CPAMD8: variants seen among roughly 807,000 people sequenced by gnomAD.
CPAMD8 encodes the protein C3 and PZP-like alpha-2-macroglobulin domain-containing protein 8.
CPAMD8 carries 146 observed loss-of-function variants against 224.7 expected under a neutral mutation model. The ratio of observed to expected loss-of-function variants is 0.65; its 90% CI spans 0.57 to 0.75. The LOEUF (loss-of-function observed/expected upper bound fraction) is 0.75, where lower values mean the gene tolerates loss of function less well. Ranked by LOEUF, CPAMD8 falls within the 30% of genes least tolerant of loss-of-function variation. The pLI is 0.00. For missense variants in CPAMD8, 2,301 were observed against 2,537.5 expected (o/e 0.91, Z 2.00); for synonymous variants, 966 against 1,044.6 (o/e 0.92, Z 1.45).
At chr19:17,014,114 C>A (rs1181336949) in intron 3 of CPAMD8, among the ~76,000 whole-genome samples, 1 of 151,600 alleles carries the variant, frequency 6.6e-6, no homozygotes, top group African/African-American at 2.4e-5. Context: ...TCCAATGGTG[C>A]GATCAGAGCT....
intron 13 of CPAMD8, among the ~76,000 whole-genome samples, 183 bp from the exon 14 acceptor site, chr19:16,980,869 CTT>C (rs2055489152): frequency 6.6e-6 from 1 of 152,068 alleles, no homozygotes; most frequent in Non-Finnish European, 1.5e-5. Context: ...GTGTTTCACT[CTT>C]GTCACCCAGG....
At chr19:16,932,282 G>C (rs761933684) in intron 23 of CPAMD8, among the ~76,000 whole-genome samples, 14 of 152,114 alleles carry the variant, frequency 9.2e-5, no homozygotes, top group East Asian at 1.9e-4. Flanking sequence ...TTAGCCAGGC[G>C]TGGTGGCATG....
chr19:17,018,426 T>C (rs2056866497), intron 3 of CPAMD8, among the ~76,000 whole-genome samples: 1 of 152,194 alleles, frequency 6.6e-6, no homozygotes, highest in Non-Finnish European at 1.5e-5. Flanking sequence ...GAACAGGTAC[T>C]GCTGTGTATT....
chr19:17,019,670 C>T (rs965773003), intron 3 of CPAMD8, among the ~76,000 whole-genome samples: 3 of 151,920 alleles, frequency 2.0e-5, no homozygotes, highest in African/African-American at 7.3e-5. Flanking sequence ...ATCCTCCTAC[C>T]TCAGCCTCCC....
chr19:16,937,063 GCCTTCCTT>G (rs34510069), intron 23 of CPAMD8, among the ~76,000 whole-genome samples: 16 of 132,162 alleles, frequency 1.2e-4, no homozygotes, highest in African/African-American at 3.1e-4. Flanking sequence ...CTTCCCTCCT[GCCTTCCTT>G]CCTTCCTTCC....
intron 11 of CPAMD8, among the ~76,000 whole-genome samples, chr19:16,993,833 G>A (rs771384929): frequency 2.0e-5 from 3 of 152,168 alleles, no homozygotes; most frequent in Non-Finnish European, 4.4e-5. Context: ...AGCTACTCAA[G>A]AGGCTTCCAA....
At chr19:16,906,394 C>CTTTCT (rs1568459730) in intron 30 of CPAMD8, among the ~76,000 whole-genome samples, 1 of 85,074 alleles carries the variant, frequency 1.2e-5, no homozygotes. Context: ...TTCTTTCTTT[C>CTTTCT]TTTCTTTCTT....
At chr19:16,945,809 G>T in intron 21 of CPAMD8, 130 bp from the exon 22 acceptor site, 1 of 813,092 alleles carries the variant, frequency 1.2e-6, no homozygotes, top group Non-Finnish European at 2.1e-6. Flanking sequence ...GTGTGTATAT[G>T]CAGATGTGTG....
At position 17,026,796 on chromosome 19, in the gene CPAMD8, G is replaced by A. The variant is rs12974936; in HGVS notation, c.-154C>T. 4.1e-5 allele frequency: 45 copies of A among 1,091,078 alleles called. No homozygotes were observed. The African/African-American group carries it at 7.2e-4, about 17-fold the overall frequency. 67.6% of individuals were successfully genotyped at this position (1,091,078 alleles called of 1,614,324 possible). ...CGCCCGGCGCCATGCGCCCCGCTCC[G>A]CGCCCGGCCAAGCTGGGGCAGCCCC... On this transcript the variant is annotated 5_prime_UTR_variant, in exon 1 of 42. Coordinates refer to ENST00000443236, the MANE Select transcript of CPAMD8 (RefSeq NM_015692.5).
chr19:16,915,662 T>C (rs373809983), intron 27 of CPAMD8, among the ~76,000 whole-genome samples: 2 of 152,178 alleles, frequency 1.3e-5, no homozygotes, highest in East Asian at 1.9e-4. Context: ...AAGCACAGGA[T>C]GGAAGCCAGG....
chr19:16,914,856 C>A, intron 27 of CPAMD8, 43 bp from the exon 28 acceptor site: 1 of 1,455,976 alleles, frequency 6.9e-7, no homozygotes, highest in South Asian at 1.3e-5. Context: ...GCAGAATGGT[C>A]AGCCCCCACA....
intron 27 of CPAMD8, among the ~76,000 whole-genome samples, chr19:16,915,109 C>T (rs1000020631): frequency 6.6e-6 from 1 of 152,232 alleles, no homozygotes; most frequent in African/African-American, 2.4e-5. Flanking sequence ...GCTGGTCTAG[C>T]CCTGCCTGTC....
At chr19:16,971,891 A>T (rs951205619) in intron 17 of CPAMD8, among the ~76,000 whole-genome samples, 1 of 152,070 alleles carries the variant, frequency 6.6e-6, no homozygotes, top group Non-Finnish European at 1.5e-5. Flanking sequence ...TACTAAAAAT[A>T]CAAGAATTAG....
chr19:16,927,972 CCT>C, intron 25 of CPAMD8, 35 bp downstream of exon 25: 1 of 1,494,626 alleles, frequency 6.7e-7, no homozygotes, highest in East Asian at 2.3e-5. Flanking sequence ...GCTCTTGCCC[CCT>C]GACCTCTCCA....
chr19:16,923,168 G>C (rs964906021), intron 26 of CPAMD8, among the ~76,000 whole-genome samples: 2 of 152,202 alleles, frequency 1.3e-5, no homozygotes, highest in African/African-American at 4.8e-5. Flanking sequence ...GGCCTCCAAG[G>C]CTGGGCTGGG....
At position 16,951,968 on chromosome 19, in the gene CPAMD8, C is replaced by G. The variant is rs1331708037; in HGVS notation, c.2508+1G>C. 6.5e-7 allele frequency: 1 copy of G among 1,540,198 alleles called. No homozygotes were observed. The highest frequency in any genetic ancestry group is 8.8e-7 in the Non-Finnish European group (1 of 1,131,646). Reference sequence around the variant, plus strand: ...GGCTATGTATTTGGGGGGCTGAGTACCTCAGCGCAGGTGCCCATGTAGTTG... The same window carrying G: ...GGCTATGTATTTGGGGGGCTGAGTAGCTCAGCGCAGGTGCCCATGTAGTTG... On this transcript the variant is annotated splice_donor_variant, in intron 20 of 41. Transcript: ENST00000443236. LOFTEE classifies it high-confidence loss of function.
intron 18 of CPAMD8, among the ~76,000 whole-genome samples, chr19:16,959,090 C>T (rs906364017): frequency 5.3e-5 from 8 of 150,726 alleles, no homozygotes; most frequent in Middle Eastern, 3.5e-3. Context: ...TGAGCCACCA[C>T]ACTCAGCTTA....
At chr19:17,015,116 C>T (rs2056776515) in intron 3 of CPAMD8, among the ~76,000 whole-genome samples, 1 of 152,194 alleles carries the variant, frequency 6.6e-6, no homozygotes, top group Non-Finnish European at 1.5e-5. Flanking sequence ...ATGGCAGGCG[C>T]CTATAGTCCC....
chr19:17,022,275 C>G, intron 1 of CPAMD8, 94 bp from the exon 2 acceptor site: 7 of 1,424,568 alleles, frequency 4.9e-6, no homozygotes, highest in Non-Finnish European at 5.7e-6. Context: ...GCAGCAGACT[C>G]CTGCCTTTTG....
Sources: allele counts gnomAD v4.1 joint callset (sites outside exome capture counted in the v4.1 genomes callset), GRCh38; gene constraint gnomAD v4.1.1; transcripts MANE v1.5; gene names NCBI Gene and HGNC (gene_info 2026-07-23, HGNC 2026-07-21).